Variants in SOD2 observed in about 807,000 individuals in gnomAD.
SOD2 encodes superoxide dismutase 2.
SOD2 carries 11 observed loss-of-function variants against 27.0 expected under a neutral mutation model. The ratio of observed to expected loss-of-function variants is 0.41; its 90% CI spans 0.26 to 0.67. SOD2 has a LOEUF of 0.67. Among genes scored for constraint, SOD2 ranks in the 30% least tolerant of loss-of-function variants. The pLI, the probability that SOD2 is intolerant of heterozygous loss-of-function variation, is 0.34. For synonymous variants in SOD2, 105 were observed against 103.0 expected, an observed-to-expected ratio of 1.02 and a Z score of -0.12; for missense variants, 250 against 274.5, an observed-to-expected ratio of 0.91 and a Z score of 0.63.
intron 1 of SOD2, among the ~76,000 whole-genome samples, chr6:159,717,474 A>G (rs1271736018): frequency 2.0e-5 from 3 of 152,212 alleles, no homozygotes; most frequent in African/African-American, 7.2e-5. Context: ...GTACACTGTG[A>G]TATTTCCATA....
chr6:159,726,904 C>T (rs1210523911), intron 1 of SOD2: 4 of 1,288,924 alleles, frequency 3.1e-6, no homozygotes, highest in Non-Finnish European at 3.0e-6. Context: ...CACGGCCTCT[C>T]TCTTGAGGTG....
chr6:159,753,483 C>T (rs1394234663), intron 1 of SOD2: 6 of 1,614,092 alleles, frequency 3.7e-6, no homozygotes, highest in Non-Finnish European at 4.2e-6. Flanking sequence ...AAGTTAATGG[C>T]GAAGTGTCGA....
At chr6:159,695,294 G>C (rs1218328091), upstream of SOD2, among the ~76,000 whole-genome samples, 2 of 152,138 alleles carry the variant, frequency 1.3e-5, no homozygotes, top group African/African-American at 4.8e-5. Context: ...GATACTTTGA[G>C]AGTTTAAAGC....
chr6:159,741,761 G>A (rs1779269579), intron 1 of SOD2: 4 of 203,276 alleles, frequency 2.0e-5, no homozygotes, highest in Non-Finnish European at 2.0e-5. Flanking sequence ...GCCAGGGTGT[G>A]AGGATCATTT....
chr6:159,692,392 G>C, intron 2 of SOD2: 1 of 1,361,536 alleles, frequency 7.3e-7, no homozygotes, highest in African/African-American at 1.5e-5. Context: ...TATGTGTAAC[G>C]GAATGTGGCT....
At chr6:159,736,242 C>A in intron 1 of SOD2, 1 of 1,585,622 alleles carries the variant, frequency 6.3e-7, no homozygotes, top group South Asian at 1.2e-5. Context: ...TTGTTTTCCG[C>A]AACTTTTTTT....
chr6:159,712,803 C>T lies in SOD2; in HGVS notation c.-116+14326G>A, dbSNP rs1430933220. ...TGCATAACTAGACTGGTTGGGTAAG[C>T]CCATCTCTCCCATCATTTGCCTACC... On this transcript the variant is annotated intron_variant, in intron 1 of 2. Coordinates refer to the SOD2 transcript ENST00000401980. 9 of 542,956 alleles carry T rather than the reference C, an allele frequency of 1.7e-5. No homozygotes were observed. The East Asian group carries it at 3.7e-4, about 22-fold the overall frequency. 33.6% of individuals were successfully genotyped at this position (542,956 alleles called of 1,614,324 possible).
rs937371616 is a variant in SOD2 at position 159,688,329 on chromosome 6, T to C, written c.227-87A>G. On this transcript the variant is annotated intron_variant, in intron 2 of 4. Transcript: ENST00000538183. ...ATTATATTTTTTTCTTTGTAAGCTA[T>C]TAGATAATGGGACCAGCTTATCTAT... 7 of 803,134 alleles carry C rather than the reference T, an allele frequency of 8.7e-6. No homozygotes were observed. In the African/African-American group the frequency reaches 1.2e-4, roughly 14 times the overall value. 49.8% of individuals were successfully genotyped at this position (803,134 alleles called of 1,614,324 possible).
intron 1 of SOD2, chr6:159,726,877 G>C: frequency 7.8e-7 from 1 of 1,289,178 alleles, no homozygotes; most frequent in Non-Finnish European, 1.0e-6. Context: ...AAGAGTAAAC[G>C]CCCGCGGCTC....
intron 1 of SOD2, among the ~76,000 whole-genome samples, chr6:159,744,492 G>C (rs1779449673): frequency 6.6e-6 from 1 of 150,770 alleles, no homozygotes; most frequent in Non-Finnish European, 1.5e-5. Flanking sequence ...TAGTATTCTG[G>C]TCATTGGAGA....
intron 2 of SOD2, chr6:159,688,444 G>A: frequency 4.0e-6 from 2 of 495,584 alleles, no homozygotes; most frequent in South Asian, 2.4e-5. Flanking sequence ...ACCTAGCAGA[G>A]GTGGAAAAGC....
intron 1 of SOD2, chr6:159,755,217 C>A: frequency 6.2e-7 from 1 of 1,614,168 alleles, no homozygotes; most frequent in East Asian, 2.2e-5. Context: ...TCAGAGGCCA[C>A]AAGTAAAGAC....
upstream of SOD2, among the ~76,000 whole-genome samples, chr6:159,728,467 C>G (rs563371885): frequency 6.6e-6 from 1 of 152,268 alleles, no homozygotes; most frequent in East Asian, 1.9e-4. Flanking sequence ...GGAAATACTT[C>G]TATGAGTATG....
intron 1 of SOD2, among the ~76,000 whole-genome samples, chr6:159,712,259 T>A (rs768650799): frequency 5.8e-3 from 786 of 134,460 alleles, no homozygotes; most frequent in African/African-American, 0.02. Flanking sequence ...CCTAACCACC[T>A]CCATAACCAC....
intron 1 of SOD2, among the ~76,000 whole-genome samples, chr6:159,710,893 C>T (rs1429987937): frequency 6.6e-6 from 1 of 150,442 alleles, no homozygotes; most frequent in African/African-American, 2.5e-5. Flanking sequence ...ATAACCGCCT[C>T]GACAACCACC....
At chr6:159,736,870 A>G (rs925350671) in intron 1 of SOD2, among the ~76,000 whole-genome samples, 4 of 152,188 alleles carry the variant, frequency 2.6e-5, no homozygotes, top group Non-Finnish European at 5.9e-5. Flanking sequence ...AAGAGGTAAC[A>G]TCGTCTCTAG....
chr6:159,681,760 T>C lies in SOD2; in HGVS notation c.*733A>G, dbSNP rs888981440. 3 of 148,580 alleles carry C rather than the reference T, an allele frequency of 2.0e-5. No homozygotes were observed. Among genetic ancestry groups the C allele is most frequent in the Admixed American group, 6.7e-5 (1 of 14,980 alleles). The allele number at this position is 148,580 out of a possible 1,614,324, so 9.2% of individuals were successfully genotyped here. The stretch of plus-strand genomic sequence containing the variant: ...CCTGAAATTTACCACTGCCTTTAAA[T>C]ACTCTAGCTTGTAGGTCATCATGGA... On this transcript the variant is annotated 3_prime_UTR_variant, in exon 5 of 5. Coordinates refer to ENST00000538183, the MANE Select transcript of SOD2 (RefSeq NM_000636.4).
chr6:159,761,287 A>C (rs1010067647), exon 1 of SOD2: 7 of 250,586 alleles, frequency 2.8e-5, no homozygotes, highest in African/African-American at 1.6e-4. Flanking sequence ...AAAAATTATG[A>C]ACTTTGCCCA....
At chr6:159,762,250 C>A in exon 1 of SOD2, 2 of 1,390,176 alleles carry the variant, frequency 1.4e-6, no homozygotes, top group South Asian at 2.9e-5. Context: ...GGAAGCCGGT[C>A]AGGCCAAGCC....
Sources: gnomAD v4.1 joint callset for allele counts (sites outside exome capture counted in the v4.1 genomes callset) on GRCh38, gnomAD v4.1.1 for gene constraint, MANE v1.5 for transcripts, NCBI Gene and HGNC (gene_info 2026-07-23, HGNC 2026-07-21) for gene names.